Variants in GPAM observed in about 807,000 individuals in gnomAD.
GPAM encodes the protein glycerol-3-phosphate acyltransferase 1, mitochondrial.
GPAM carries 56 observed loss-of-function variants against 105.0 expected under a neutral mutation model. That is an observed-to-expected ratio of 0.53 (90% confidence interval 0.43 to 0.67). The LOEUF is 0.67. Among genes scored for constraint, GPAM ranks in the 30% least tolerant of loss-of-function variants. The pLI is 0.00. For synonymous variants in GPAM, 368 were observed against 354.4 expected, an observed-to-expected ratio of 1.04 and a Z score of -0.43; for missense variants, 855 against 989.8, an observed-to-expected ratio of 0.86 and a Z score of 1.83.
chr10:112,222,153 T>G, the GPAM span, among the ~76,000 whole-genome samples: 2 of 152,218 alleles, frequency 1.3e-5, no homozygotes, highest in African/African-American at 4.8e-5. Flanking sequence ...TGCTTTATAA[T>G]TTGTTATTCT....
At chr10:112,169,914 C>G (rs990656014) in intron 9 of GPAM, among the ~76,000 whole-genome samples, 10 of 152,294 alleles carry the variant, frequency 6.6e-5, no homozygotes, top group Non-Finnish European at 1.2e-4. Context: ...TGCACATCTG[C>G]CCATGAGGGA....
chr10:112,153,308 C>A lies in GPAM; in HGVS notation c.*242G>T, dbSNP rs774747439. The stretch of plus-strand genomic sequence containing the variant: ...TATTGAGATTTCATCTTGTAGTCTA[C>A]GGATTATGAGTTGCGAATAGAGGCT... On this transcript the variant is annotated 3_prime_UTR_variant, in exon 22 of 22. Coordinates refer to ENST00000348367, the MANE Select transcript of GPAM (RefSeq NM_001244949.2). The A allele has an allele frequency of 9.5e-6, 13 of 1,362,308 alleles. No homozygotes were observed. The Admixed American group carries it at 1.2e-4, about 13-fold the overall frequency. The allele number at this position is 1,362,308 out of a possible 1,614,324, so 84.4% of individuals were successfully genotyped here. A position where few individuals can be genotyped will look rare whatever the true frequency, so the allele number is the denominator to read the frequency against.
chr10:112,187,562 A>AGAATATAAATCAAG (rs1847610333), upstream of GPAM, among the ~76,000 whole-genome samples: 1 of 152,140 alleles, frequency 6.6e-6, no homozygotes, highest in African/African-American at 2.4e-5. Flanking sequence ...ATATAAATCA[A>AGAATATAAATCAAG]AAACTAATCG....
chr10:112,157,430 G>T, intron 18 of GPAM, 41 bp from the exon 19 acceptor site: 1 of 1,599,998 alleles, frequency 6.3e-7, no homozygotes. Flanking sequence ...AATATGCACT[G>T]GCACACAAAC....
chr10:112,162,197 T>C (rs1847136675), intron 14 of GPAM, among the ~76,000 whole-genome samples: 1 of 152,212 alleles, frequency 6.6e-6, no homozygotes, highest in Non-Finnish European at 1.5e-5. Flanking sequence ...AACAGCTGAC[T>C]TGAAGTCAGA....
At chr10:112,214,736 T>TA (rs1271341485) in intron 1 of GPAM, among the ~76,000 whole-genome samples, 1 of 152,226 alleles carries the variant, frequency 6.6e-6, no homozygotes, top group East Asian at 1.9e-4. Context: ...AGCAGAGCCT[T>TA]TGAAGGCCAT....
At chr10:112,223,588 T>A in the GPAM span, among the ~76,000 whole-genome samples, 1 of 152,248 alleles carries the variant, frequency 6.6e-6, no homozygotes, top group African/African-American at 2.4e-5. Flanking sequence ...CTCACTTTCT[T>A]TATTCTTAAA....
At chr10:112,161,001 C>A in intron 15 of GPAM, 133 bp from the exon 16 acceptor site, 1 of 745,570 alleles carries the variant, frequency 1.3e-6, no homozygotes. Context: ...AGAAGTAGGG[C>A]CAGAACACCA....
chr10:112,195,953 C>A (rs79321446), intron 1 of GPAM, among the ~76,000 whole-genome samples: 1,895 of 152,304 alleles, frequency 0.012, 30 homozygotes, highest in African/African-American at 0.044. Flanking sequence ...TTCCCATCTT[C>A]TCTCCCTCAC....
intron 1 of GPAM, among the ~76,000 whole-genome samples, chr10:112,204,466 G>C (rs901915903): frequency 6.6e-6 from 1 of 151,716 alleles, no homozygotes; most frequent in Non-Finnish European, 1.5e-5. Context: ...CACTGGCAAA[G>C]CTAATGATTT....
chr10:112,221,741 T>C, the GPAM span, among the ~76,000 whole-genome samples: 1 of 152,238 alleles, frequency 6.6e-6, no homozygotes, highest in Non-Finnish European at 1.5e-5. Flanking sequence ...ACCACTTTGA[T>C]ATCCTGTTGA....
At chr10:112,187,702 C>G (rs148419889), upstream of GPAM, among the ~76,000 whole-genome samples, 3,421 of 152,062 alleles carry the variant, frequency 0.022, 132 homozygotes, top group African/African-American at 0.078. Context: ...ACTATCAACC[C>G]AACTTGATCT....
At chr10:112,172,071 A>G in intron 9 of GPAM, 111 bp downstream of exon 9, 1 of 827,090 alleles carries the variant, frequency 1.2e-6, no homozygotes, top group Non-Finnish European at 2.0e-6. Context: ...AATAAAAGAA[A>G]AAAGGCTAAT....
At chr10:112,216,657 T>C (rs1337882682), upstream of GPAM, among the ~76,000 whole-genome samples, 2 of 151,702 alleles carry the variant, frequency 1.3e-5, no homozygotes, top group African/African-American at 2.4e-5. Flanking sequence ...AGAGTCTCAC[T>C]CTGTCCCCCA....
At chr10:112,183,365 GC>G (rs939544937) in intron 1 of GPAM, among the ~76,000 whole-genome samples, 2 of 152,206 alleles carry the variant, frequency 1.3e-5, no homozygotes, top group African/African-American at 4.8e-5. Context: ...ACCCCTTACT[GC>G]CTCAATGTTC....
intron 1 of GPAM, among the ~76,000 whole-genome samples, chr10:112,204,074 A>G (rs909536234): frequency 2.0e-5 from 3 of 152,140 alleles, no homozygotes; most frequent in African/African-American, 7.2e-5. Context: ...TATCCAAAGC[A>G]TGGTGTCTTG....
Position 112,161,745 on chromosome 10 carries a change from G to A in GPAM, c.1424-8C>T. ...CACAGGACTTGCTAGCAGCTGGAAG[G>A]CAAACACAAAGCTTTTTTTAGTTGC... is the stretch of plus-strand genomic sequence containing the variant. On this transcript the variant is annotated splice_region_variant and splice_polypyrimidine_tract_variant and intron_variant, in intron 14 of 21. Transcript: ENST00000348367. The A allele has an allele frequency of 6.2e-7, 1 of 1,613,226 alleles. No individual in the cohort carries two copies. The highest frequency in any genetic ancestry group is 8.5e-7 in the Non-Finnish European group (1 of 1,179,214).
chr10:112,179,758 C>A (rs1847474041), intron 4 of GPAM, among the ~76,000 whole-genome samples: 1 of 152,152 alleles, frequency 6.6e-6, no homozygotes, highest in East Asian at 1.9e-4. Context: ...ATAACTGGAT[C>A]CCAGAGAGAG....
At position 112,173,879 on chromosome 10, in the gene GPAM, T is replaced by G. The variant is rs779260985; in HGVS notation, c.414-34A>C. On this transcript the variant is annotated intron_variant, in intron 6 of 21. Transcript: ENST00000348367. ...AAAATGGAAAAAGAGACAATGTAAT[T>G]GTTTCTATACTACATTCTGTATTCA... 3.2e-6 allele frequency: 5 copies of G among 1,547,864 alleles called. No individual in the cohort carries two copies. The African/African-American group carries it at 6.8e-5, about 21-fold the overall frequency.
Sources: allele counts gnomAD v4.1 joint callset (sites outside exome capture counted in the v4.1 genomes callset), GRCh38; gene constraint gnomAD v4.1.1; transcripts MANE v1.5; gene names NCBI Gene and HGNC (gene_info 2026-07-23, HGNC 2026-07-21).